DLGAP2: variants seen among roughly 807,000 people sequenced by gnomAD.
DLGAP2 encodes disks large-associated protein 2.
Under a neutral mutation model 100.3 loss-of-function variants are expected in DLGAP2, and 26 were observed. That is an observed-to-expected ratio of 0.26 (90% confidence interval 0.19 to 0.36). The LOEUF (loss-of-function observed/expected upper bound fraction) is 0.36. Among genes scored for constraint, DLGAP2 ranks in the 10% least tolerant of loss-of-function variants. DLGAP2 has a pLI of 1.00. For missense variants in DLGAP2, 1,858 were observed against 1,453.2 expected, an observed-to-expected ratio of 1.28 and a Z score of -4.53; for synonymous variants, 886 against 630.1, an observed-to-expected ratio of 1.41 and a Z score of -6.08.
rs1470742526 is a variant in DLGAP2 at position 1,704,098 on chromosome 8, T to A, written c.*2692T>A. 2 of 152,652 alleles carry A rather than the reference T, an allele frequency of 1.3e-5. No homozygotes were observed. Among genetic ancestry groups the A allele is most frequent in the Non-Finnish European group, 2.9e-5 (2 of 68,048 alleles). 9.5% of individuals were successfully genotyped at this position (152,652 alleles called of 1,614,324 possible). On this transcript the variant is annotated 3_prime_UTR_variant, in exon 15 of 15. Transcript: ENST00000637795. ...TTGTACATGTAAAGAAAAATAAAAC[T>A]GTTTATGATACTTGTGTTAGTCACT...
intron 1 of DLGAP2, among the ~76,000 whole-genome samples, chr8:845,712 G>A (rs536917881): frequency 6.6e-6 from 1 of 152,228 alleles, no homozygotes; most frequent in African/African-American, 2.4e-5. Flanking sequence ...TGCTTTTGAT[G>A]TTGTATTTAA....
At chr8:1,102,227 A>G (rs1804607949) in intron 2 of DLGAP2, among the ~76,000 whole-genome samples, 1 of 148,006 alleles carries the variant, frequency 6.8e-6, no homozygotes, top group Non-Finnish European at 1.5e-5. Flanking sequence ...ATGAATATAG[A>G]TTCAAGCTTT....
chr8:1,426,460 C>A (rs1797238949), intron 3 of DLGAP2, among the ~76,000 whole-genome samples: 1 of 152,138 alleles, frequency 6.6e-6, no homozygotes, highest in Non-Finnish European at 1.5e-5. Context: ...AACAAGTTAG[C>A]AGAATTCCAG....
At chr8:942,018 G>C (rs1799208549) in intron 2 of DLGAP2, among the ~76,000 whole-genome samples, 1 of 152,080 alleles carries the variant, frequency 6.6e-6, no homozygotes, top group Non-Finnish European at 1.5e-5. Context: ...TTGTAGAGAT[G>C]GGCTCTCTGT....
chr8:1,330,932 T>C (rs1339130556), intron 3 of DLGAP2, among the ~76,000 whole-genome samples: 6 of 149,482 alleles, frequency 4.0e-5, no homozygotes, highest in Non-Finnish European at 7.4e-5. Context: ...GACTGAGTTC[T>C]GGGTGGGACT....
At chr8:1,183,886 T>C (rs1797444859) in intron 2 of DLGAP2, among the ~76,000 whole-genome samples, 1 of 152,260 alleles carries the variant, frequency 6.6e-6, no homozygotes, top group Admixed American at 6.5e-5. Context: ...TTAAGGTCTC[T>C]GAGCCTTTGT....
intron 3 of DLGAP2, among the ~76,000 whole-genome samples, chr8:1,310,641 T>C (rs1226440586): frequency 6.6e-6 from 1 of 151,780 alleles, no homozygotes. Flanking sequence ...TCATAAAAAG[T>C]TGGGTTTTTT....
chr8:1,216,741 C>G (rs931013665), intron 2 of DLGAP2, among the ~76,000 whole-genome samples: 8 of 152,094 alleles, frequency 5.3e-5, no homozygotes, highest in African/African-American at 1.9e-4. Flanking sequence ...CATAACTGTT[C>G]ATACATCATC....
intron 3 of DLGAP2, among the ~76,000 whole-genome samples, chr8:1,392,049 G>A (rs544201724): frequency 7.9e-5 from 12 of 152,326 alleles, no homozygotes; most frequent in Middle Eastern, 3.4e-3. Flanking sequence ...CCCTTGTTGC[G>A]ATGCTGTAGG....
At chr8:1,506,077 G>A (rs1045677848) in intron 4 of DLGAP2, among the ~76,000 whole-genome samples, 2 of 152,134 alleles carry the variant, frequency 1.3e-5, no homozygotes, top group Non-Finnish European at 2.9e-5. Context: ...CACCTGGCAG[G>A]CACATAGATT....
At chr8:952,010 C>A (rs147612052) in intron 2 of DLGAP2, among the ~76,000 whole-genome samples, 3 of 152,296 alleles carry the variant, frequency 2.0e-5, no homozygotes, top group African/African-American at 7.2e-5. Flanking sequence ...TTGTCCTTGC[C>A]CTCCCGGGAG....
At chr8:1,626,233 A>G (rs1188396373) in intron 6 of DLGAP2, among the ~76,000 whole-genome samples, 3 of 134,038 alleles carry the variant, frequency 2.2e-5, no homozygotes, top group Admixed American at 2.2e-4. Flanking sequence ...GGCTGTTCCC[A>G]TCTCTACCCT....
intron 1 of DLGAP2, among the ~76,000 whole-genome samples, chr8:826,178 A>G (rs1796682141): frequency 6.6e-6 from 1 of 152,214 alleles, no homozygotes; most frequent in Non-Finnish European, 1.5e-5. Flanking sequence ...ATGGCTGCAT[A>G]GTTCTCCACT....
intron 2 of DLGAP2, among the ~76,000 whole-genome samples, chr8:974,820 T>A (rs993786045): frequency 5.9e-5 from 9 of 152,290 alleles, no homozygotes; most frequent in African/African-American, 1.9e-4. Flanking sequence ...ATCAATCATC[T>A]AAACTTCTTC....
chr8:923,298 C>A (rs926451176), intron 2 of DLGAP2, among the ~76,000 whole-genome samples: 1 of 152,172 alleles, frequency 6.6e-6, no homozygotes, highest in African/African-American at 2.4e-5. Context: ...TCAGTCTTGG[C>A]AGATAAGCTT....
chr8:1,159,694 C>T (rs999195158), intron 2 of DLGAP2, among the ~76,000 whole-genome samples: 5 of 152,132 alleles, frequency 3.3e-5, no homozygotes, highest in East Asian at 1.9e-4. Context: ...ATTTTCATTC[C>T]GCAGATGGCT....
chr8:1,428,120 A>G (rs765973353), intron 3 of DLGAP2, among the ~76,000 whole-genome samples: 38 of 151,824 alleles, frequency 2.5e-4, no homozygotes, highest in Admixed American at 6.6e-4. Context: ...AGAGAAAGAA[A>G]ATGATAAATA....
chr8:1,006,246 C>T (rs1801105565), intron 2 of DLGAP2, among the ~76,000 whole-genome samples: 1 of 152,180 alleles, frequency 6.6e-6, no homozygotes, highest in African/African-American at 2.4e-5. Context: ...AAAAGATGGA[C>T]AACTGTGCTA....
At chr8:1,321,283 T>G (rs1300927458) in intron 3 of DLGAP2, among the ~76,000 whole-genome samples, 1 of 151,870 alleles carries the variant, frequency 6.6e-6, no homozygotes, top group Non-Finnish European at 1.5e-5. Context: ...TGCGTGCATC[T>G]GTGTGTCTCT....
Sources: allele counts gnomAD v4.1 joint callset (sites outside exome capture counted in the v4.1 genomes callset), GRCh38; gene constraint gnomAD v4.1.1; transcripts MANE v1.5; gene names NCBI Gene and HGNC (gene_info 2026-07-23, HGNC 2026-07-21).